The following DNMBP variants were observed in gnomAD, a reference collection of about 807,000 sequenced individuals.
DNMBP encodes dynamin-binding protein.
DNMBP carries 87 observed loss-of-function variants against 150.0 expected under a neutral mutation model. The ratio of observed to expected loss-of-function variants is 0.58; its 90% CI spans 0.49 to 0.69. The LOEUF is 0.69. DNMBP is among the 30% of genes least tolerant of loss of function. The pLI is 0.00. For missense variants in DNMBP, 1,774 were observed against 1,949.0 expected, an observed-to-expected ratio of 0.91 and a Z score of 1.69; for synonymous variants, 711 against 750.4, an observed-to-expected ratio of 0.95 and a Z score of 0.86.
intron 4 of DNMBP, among the ~76,000 whole-genome samples, chr10:99,939,223 T>C (rs2040268105): frequency 2.6e-5 from 4 of 152,230 alleles, no homozygotes; most frequent in Admixed American, 2.0e-4. Context: ...CTCCTCACTC[T>C]CTAGGACTCT....
intron 6 of DNMBP, among the ~76,000 whole-genome samples, chr10:99,903,892 G>A (rs1014185403): frequency 4.6e-5 from 7 of 151,568 alleles, no homozygotes; most frequent in Non-Finnish European, 2.9e-5. Flanking sequence ...ATGGGTCACA[G>A]TCAGCACTGT....
At chr10:99,878,514 G>C (rs922431028) in intron 16 of DNMBP, among the ~76,000 whole-genome samples, 2 of 152,214 alleles carry the variant, frequency 1.3e-5, no homozygotes, top group African/African-American at 4.8e-5. Flanking sequence ...GAAGTAGGTA[G>C]TAAGAGAAAT....
chr10:99,880,296 C>T lies in DNMBP; in HGVS notation c.4063G>A (p.Ala1355Thr). 1.2e-6 allele frequency: 2 copies of T among 1,613,374 alleles called. No homozygotes were observed. Among genetic ancestry groups the T allele is most frequent in the Non-Finnish European group, 1.7e-6 (2 of 1,179,774 alleles). Residue 1355 changes from alanine (A) to threonine (T), a missense_variant, in exon 16 of 17, where the codon GCC becomes ACC. This residue lies in a region of DNMBP where 1,430 missense variants were observed against 1,492.5 expected (regional missense o/e 0.96). Coordinates refer to ENST00000324109, the MANE Select transcript of DNMBP (RefSeq NM_015221.4). ...PYNPRRSHSD[A>T]SVGSHSSTES... ...GTGGAGGAGTGGCTACCCACGGAGG[C>T]ATCGGAGTGGCTGCGGCGAGGATTG...
In DNMBP at chr10:99,943,412, T is replaced by G. The variant is rs191060884; in HGVS notation, c.2260+11802A>C. Among the ~76,000 whole-genome samples the G allele has an allele frequency of 1.1e-3, 156 of 148,078 alleles. No individual in the cohort carries two copies. The East Asian group carries it at 0.011, about 10-fold the overall frequency. On this transcript the variant is annotated intron_variant, in intron 4 of 16. Transcript: ENST00000324109. The stretch of plus-strand genomic sequence containing the variant: ...TGTTTGTTTGTTTGTTTGTTTGTTT[T>G]TTTGAGACAGTTTCACTCTGTCACC...
intron 1 of DNMBP, among the ~76,000 whole-genome samples, chr10:99,977,252 T>C (rs2040737891): frequency 1.3e-5 from 2 of 152,336 alleles, no homozygotes; most frequent in South Asian, 4.1e-4. Flanking sequence ...AAAGTATGTA[T>C]AATATGACGA....
At chr10:100,009,176 A>G (rs1317913972) in intron 1 of DNMBP, among the ~76,000 whole-genome samples, 3 of 152,250 alleles carry the variant, frequency 2.0e-5, no homozygotes, top group Non-Finnish European at 2.9e-5. Context: ...ATTTAAGTCT[A>G]TACTCCTCAT....
chr10:99,971,175 G>A (rs2040672943), intron 2 of DNMBP, among the ~76,000 whole-genome samples: 1 of 151,898 alleles, frequency 6.6e-6, no homozygotes, highest in African/African-American at 2.4e-5. Context: ...ACCTCTTGAA[G>A]GAATCAACAC....
intron 1 of DNMBP, among the ~76,000 whole-genome samples, chr10:99,995,906 C>T (rs1485288111): frequency 3.3e-5 from 5 of 152,256 alleles, no homozygotes; most frequent in Non-Finnish European, 7.3e-5. Flanking sequence ...CATTGATCTA[C>T]AATGGGCAGT....
intron 11 of DNMBP, among the ~76,000 whole-genome samples, chr10:99,893,858 AATGG>A (rs1308698270): frequency 1.6e-4 from 24 of 152,192 alleles, no homozygotes; most frequent in Admixed American, 1.6e-3. Flanking sequence ...GGAAGAACTT[AATGG>A]ATGGTGACTG....
intron 1 of DNMBP, among the ~76,000 whole-genome samples, chr10:99,973,508 G>T (rs539304665): frequency 1.2e-4 from 19 of 152,242 alleles, no homozygotes; most frequent in South Asian, 4.1e-4. Context: ...TAAAGATTAG[G>T]ATACTAAGGC....
At chr10:99,896,163 C>CGTCT (rs1232515083) in intron 10 of DNMBP, 104 bp downstream of exon 10, 2 of 1,343,862 alleles carry the variant, frequency 1.5e-6, no homozygotes, top group African/African-American at 2.9e-5. Context: ...AACCGGAGGA[C>CGTCT]GTCTGAGGAA....
intron 1 of DNMBP, among the ~76,000 whole-genome samples, chr10:100,007,439 G>A (rs1196655291): frequency 6.6e-6 from 1 of 152,002 alleles, no homozygotes; most frequent in Non-Finnish European, 1.5e-5. Context: ...TCCTCCTCCC[G>A]GCACACACAG....
intron 4 of DNMBP, among the ~76,000 whole-genome samples, chr10:99,922,506 T>TTTG (rs1554864064): frequency 1.0e-5 from 1 of 97,820 alleles, no homozygotes; most frequent in Non-Finnish European, 1.8e-5. Flanking sequence ...GCTGCTGTTT[T>TTTG]TTTTTTTTTT....
intron 4 of DNMBP, among the ~76,000 whole-genome samples, chr10:99,918,383 C>G (rs1466422839): frequency 1.3e-5 from 2 of 152,056 alleles, no homozygotes; most frequent in African/African-American, 4.8e-5. Context: ...AAAAACGTTC[C>G]TGGTGGCTTT....
chr10:99,983,975 C>T (rs183404279), intron 1 of DNMBP, among the ~76,000 whole-genome samples: 41 of 152,286 alleles, frequency 2.7e-4, no homozygotes, highest in Admixed American at 5.9e-4. Flanking sequence ...CCGAACACTT[C>T]TATAAATTTT....
At chr10:99,913,638 C>A (rs960560727) in intron 4 of DNMBP, among the ~76,000 whole-genome samples, 1 of 151,808 alleles carries the variant, frequency 6.6e-6, no homozygotes, top group Non-Finnish European at 1.5e-5. Context: ...TGTGGCTTAC[C>A]CCCCACCCCA....
At chr10:99,942,365 G>A (rs1038083233) in intron 4 of DNMBP, among the ~76,000 whole-genome samples, 11 of 152,196 alleles carry the variant, frequency 7.2e-5, no homozygotes, top group Admixed American at 5.2e-4. Flanking sequence ...ATCACTGCCT[G>A]GAATACAGTG....
chr10:99,937,889 C>T (rs1308137363), intron 4 of DNMBP, among the ~76,000 whole-genome samples: 1 of 152,216 alleles, frequency 6.6e-6, no homozygotes, highest in Non-Finnish European at 1.5e-5. Flanking sequence ...CAAGTTAAAA[C>T]AGAGCAACAG....
At chr10:99,900,100 G>GTAAACTTTCTTCTCAGTATACTAAAT in intron 6 of DNMBP, 34 bp from the exon 7 acceptor site, 1 of 1,612,228 alleles carries the variant, frequency 6.2e-7, no homozygotes. Flanking sequence ...AGTGTTTTTA[G>GTAAACTTTCTTCTCAGTATACTAAAT]TAAACTTTCT....
Sources: gnomAD v4.1 joint callset for allele counts (sites outside exome capture counted in the v4.1 genomes callset) on GRCh38, gnomAD v4.1.1 for gene constraint, gnomAD v4.1.1 regional missense constraint, MANE v1.5 for transcripts, NCBI Gene and HGNC (gene_info 2026-07-23, HGNC 2026-07-21) for gene names.